The following COL4A6 variants were observed in gnomAD, a reference collection of about 807,000 sequenced individuals.
COL4A6 encodes collagen alpha-6(IV) chain.
COL4A6 carries 59 observed loss-of-function variants against 126.7 expected under a neutral mutation model. The observed-to-expected ratio is 0.47, with a 90% CI of 0.38 to 0.58. The LOEUF (loss-of-function observed/expected upper bound fraction) is 0.58, where lower values mean the gene tolerates loss of function less well. Ranked by LOEUF, COL4A6 falls within the 20% of genes least tolerant of loss-of-function variation. The pLI is 0.00. For synonymous variants in COL4A6, 547 were observed against 496.6 expected, an observed-to-expected ratio of 1.10 and a Z score of -1.35; for missense variants, 1,285 against 1,337.3, an observed-to-expected ratio of 0.96 and a Z score of 0.61.
intron 28 of COL4A6, among the ~76,000 whole-genome samples, chrX:108,176,409 AAGG>A (rs1444801593): frequency 9.2e-6 from 1 of 108,955 alleles, no homozygotes; most frequent in Non-Finnish European, 1.9e-5. Context: ...GCCAGGAGGC[AAGG>A]AGATGAGCTT....
intron 2 of COL4A6, among the ~76,000 whole-genome samples, chrX:108,408,679 T>G (rs190963914): frequency 2.6e-4 from 29 of 111,825 alleles, no homozygotes; most frequent in Admixed American, 2.5e-3. Flanking sequence ...TAATAAAATA[T>G]GGCCAGGCAC....
At chrX:108,223,143 C>T (rs933190475) in intron 3 of COL4A6, among the ~76,000 whole-genome samples, 2 of 111,496 alleles carry the variant, frequency 1.8e-5, no homozygotes, top group South Asian at 3.8e-4. Flanking sequence ...GAAAACCAAA[C>T]GCTGCATGTT....
At chrX:108,358,087 G>A (rs1189655645) in intron 2 of COL4A6, among the ~76,000 whole-genome samples, 4 of 111,381 alleles carry the variant, frequency 3.6e-5, no homozygotes, top group South Asian at 3.8e-4. Context: ...TCCCCAAAAC[G>A]TAGGGTGCCC....
At chrX:108,304,454 C>T (rs746914512) in intron 3 of COL4A6, among the ~76,000 whole-genome samples, 1 of 111,339 alleles carries the variant, frequency 9.0e-6, no homozygotes, top group South Asian at 3.8e-4. Context: ...TACTTCTCTG[C>T]TCAGACGTTA....
In COL4A6 at chrX:108,347,671, A is replaced by G. The variant is rs767911591; in HGVS notation, c.64-36843T>C. ...CTTCAGAAAGAAACATTAATTTCCC[A>G]GAGTCAGTCATCTAGCATTGTTATT... is the stretch of plus-strand genomic sequence containing the variant. On this transcript the variant is annotated intron_variant, in intron 2 of 44. Transcript: ENST00000334504. 6.3e-5 allele frequency among the ~76,000 whole-genome samples: 7 copies of G among 111,156 alleles called. No homozygotes were observed. In the South Asian group the frequency reaches 2.3e-3, roughly 36 times the overall value.
At chrX:108,189,888 C>T (rs771191846) in intron 20 of COL4A6, among the ~76,000 whole-genome samples, 3 of 112,086 alleles carry the variant, frequency 2.7e-5, no homozygotes, top group Non-Finnish European at 5.6e-5. Flanking sequence ...TAAGCCACAA[C>T]CATAATTAAT....
At chrX:108,198,702 A>G (rs181288289) in intron 13 of COL4A6, among the ~76,000 whole-genome samples, 16 of 110,813 alleles carry the variant, frequency 1.4e-4, no homozygotes, top group African/African-American at 2.3e-4. Context: ...GAAAGCCTCA[A>G]TGGGGCTAGG....
chrX:108,345,989 A>G (rs1443075676), intron 2 of COL4A6, among the ~76,000 whole-genome samples: 2 of 111,455 alleles, frequency 1.8e-5, no homozygotes, highest in African/African-American at 6.5e-5. Context: ...GAGAAACACA[A>G]GTCTAAATGT....
At position 108,165,018 on chromosome X, in the gene COL4A6, G is replaced by T; in HGVS notation, c.3829C>A (p.Pro1277Thr). 1.7e-6 allele frequency: 2 copies of T among 1,208,283 alleles called. No homozygotes were observed. The highest frequency in any genetic ancestry group is 2.2e-6 in the Non-Finnish European group (2 of 894,457). ...GAGGATGGCCCAGGGGGACCTGGGG[G>T]TCCAGCGGGGCCTGGGCGGCCTAGG... ...GERGRPGPAG[P>T]PGPPGPSSNQ... Residue 1277 changes from proline to threonine, a missense_variant, in exon 39 of 45, where the codon CCC (proline) becomes ACC (threonine). Pro to Thr is a conservative substitution (Grantham distance 38). Transcript: ENST00000334504.
chrX:108,263,513 C>T (rs1423137440), intron 3 of COL4A6, among the ~76,000 whole-genome samples: 1 of 111,791 alleles, frequency 8.9e-6, no homozygotes, highest in East Asian at 2.8e-4. Flanking sequence ...GTATTCTACC[C>T]CCATACTTCC....
chrX:108,254,954 C>A (rs56962062), intron 3 of COL4A6, among the ~76,000 whole-genome samples: 4,641 of 108,338 alleles, frequency 0.043, 226 homozygotes, highest in African/African-American at 0.13. Context: ...CTGGGCAAAT[C>A]CTAACTTCTT....
chrX:108,378,530 T>C (rs1346610597), intron 2 of COL4A6, among the ~76,000 whole-genome samples: 1 of 111,054 alleles, frequency 9.0e-6, no homozygotes, highest in Admixed American at 9.5e-5. Flanking sequence ...TTTGCCAGAG[T>C]TTTTTCATCT....
chrX:108,379,060 T>A (rs187205764), intron 2 of COL4A6, among the ~76,000 whole-genome samples: 36 of 112,226 alleles, frequency 3.2e-4, no homozygotes, highest in Admixed American at 1.4e-3. Context: ...TGGACCCACA[T>A]TGGATCTTTA....
At chrX:108,233,679 C>T (rs1266744) in intron 3 of COL4A6, among the ~76,000 whole-genome samples, 1 of 110,360 alleles carries the variant, frequency 9.1e-6, no homozygotes, top group African/African-American at 3.3e-5. Context: ...ACACATTCCA[C>T]TCCAAACACA....
chrX:108,247,364 G>T (rs866851869), intron 3 of COL4A6, among the ~76,000 whole-genome samples: 28 of 111,572 alleles, frequency 2.5e-4, no homozygotes, highest in African/African-American at 9.1e-4. Context: ...GTGCATAAGT[G>T]TTTACTATTT....
At chrX:108,380,692 A>G (rs2040542618) in intron 2 of COL4A6, among the ~76,000 whole-genome samples, 1 of 112,320 alleles carries the variant, frequency 8.9e-6, no homozygotes, top group African/African-American at 3.2e-5. Context: ...CAGTTTACAA[A>G]TTCTTCTTAG....
chrX:108,209,979 T>C lies in COL4A6; in HGVS notation c.536A>G (p.Asp179Gly). 1 of 1,209,837 alleles carries C rather than the reference T, an allele frequency of 8.3e-7. No individual in the cohort carries two copies. Among genetic ancestry groups the C allele is most frequent in the Middle Eastern group, 2.3e-4 (1 of 4,346 alleles). ...TAAATAACAACTTACAGTGATTCCA[T>C]CCAGTCCAGGCAGCCCAGGATCCCC... is the stretch of plus-strand genomic sequence containing the variant. ...MKGDPGLPGL[D>G]GITGPQGAPG... Residue 179 changes from aspartate (D) to glycine (G), a missense_variant, in exon 8 of 45, where the codon GAT becomes GGT. Transcript: ENST00000334504.
At chrX:108,176,366 T>C (rs2034489081) in intron 28 of COL4A6, among the ~76,000 whole-genome samples, 1 of 103,027 alleles carries the variant, frequency 9.7e-6, no homozygotes, top group Non-Finnish European at 2.0e-5. Context: ...TTATAGCTCA[T>C]GTGTGATACA....
At position 108,356,471 on chromosome X, in the gene COL4A6, A is replaced by C. The variant is rs181448800; in HGVS notation, c.64-45643T>G. 5.2e-4 allele frequency among the ~76,000 whole-genome samples: 58 copies of C among 111,643 alleles called. 1 individual carries two copies. Among genetic ancestry groups the C allele is most frequent in the Non-Finnish European group, 1.9e-4 (10 of 53,099 alleles). The stretch of plus-strand genomic sequence containing the variant: ...GCTGAAAAGTATTGTGAAGCAGCCT[A>C]GGAAGATATGGGGCTAAACCAGTAG... On this transcript the variant is annotated intron_variant, in intron 2 of 44. Coordinates refer to ENST00000334504, the MANE Select transcript of COL4A6 (RefSeq NM_033641.4).
Sources: gnomAD v4.1 joint callset for allele counts (sites outside exome capture counted in the v4.1 genomes callset) on GRCh38, gnomAD v4.1.1 for gene constraint, MANE v1.5 for transcripts, NCBI Gene and HGNC (gene_info 2026-07-23, HGNC 2026-07-21) for gene names.